SMG7: variants seen among roughly 807,000 people sequenced by gnomAD.
The protein encoded by SMG7 is nonsense-mediated mRNA decay factor SMG7.
A neutral mutation model predicts 148.2 loss-of-function variants in SMG7; 34 were observed. That is an observed-to-expected ratio of 0.23 (90% CI 0.17 to 0.31). The LOEUF (loss-of-function observed/expected upper bound fraction) is 0.31, where lower values mean the gene tolerates loss of function less well. Among genes scored for constraint, SMG7 ranks in the 10% least tolerant of loss-of-function variants. The pLI is 1.00. For synonymous variants in SMG7, 492 were observed against 515.1 expected (o/e 0.96, Z 0.61); for missense variants, 1,114 against 1,408.4 (o/e 0.79, Z 3.35).
At chr1:183,541,691 A>C (rs789174) in intron 13 of SMG7, among the ~76,000 whole-genome samples, 2,139 of 152,334 alleles carry the variant, frequency 0.014, 52 homozygotes, top group African/African-American at 0.048. Context: ...TACAGTAGGT[A>C]GTTAAATGCT....
At chr1:183,511,824 A>G (rs772175696) in intron 1 of SMG7, among the ~76,000 whole-genome samples, 50 of 152,220 alleles carry the variant, frequency 3.3e-4, no homozygotes, top group Non-Finnish European at 6.8e-4. Context: ...AGAGAAATCA[A>G]CAGATTCAAG....
chr1:183,552,661 G>T lies in SMG7; in HGVS notation c.*730G>T. On this transcript the variant is annotated 3_prime_UTR_variant, in exon 23 of 23. Coordinates refer to ENST00000688051, the MANE Select transcript of SMG7 (RefSeq NM_001375584.1). Reference sequence around the variant, plus strand: ...CTCTGTAGGTGCTCGAGCCCCAATCGAGGATACAGTGTGGGTGGTGGTGCT... The same window carrying T: ...CTCTGTAGGTGCTCGAGCCCCAATCTAGGATACAGTGTGGGTGGTGGTGCT... The T allele has an allele frequency of 8.9e-7, 1 of 1,123,458 alleles. No individual in the cohort carries two copies. The highest frequency in any genetic ancestry group is 1.1e-6 in the Non-Finnish European group (1 of 913,618). 69.6% of individuals were successfully genotyped at this position (1,123,458 alleles called of 1,614,324 possible). A position where few individuals can be genotyped will look rare whatever the true frequency, so the allele number is the denominator to read the frequency against.
chr1:183,526,152 A>ATT (rs1430095745), intron 4 of SMG7, among the ~76,000 whole-genome samples: 5 of 18,380 alleles, frequency 2.7e-4, no homozygotes, highest in African/African-American at 1.8e-3. Context: ...ATATATATAT[A>ATT]TATATTTTTT....
chr1:183,544,611 T>C, intron 15 of SMG7, 114 bp downstream of exon 15: 1 of 1,107,380 alleles, frequency 9.0e-7, no homozygotes, highest in Non-Finnish European at 1.3e-6. Context: ...TAAAAAGTTC[T>C]ATTTTCCCTA....
chr1:183,496,177 T>A (rs1658440148), intron 1 of SMG7, among the ~76,000 whole-genome samples: 1 of 152,188 alleles, frequency 6.6e-6, no homozygotes, highest in Admixed American at 6.5e-5. Flanking sequence ...TGTTCTTCAC[T>A]TGTCATTTAG....
In SMG7 at chr1:183,552,369, G is replaced by A. The variant is rs1671207923; in HGVS notation, c.*438G>A. The stretch of plus-strand genomic sequence containing the variant: ...GATTGCTTTGCTGACTGAGAATGTA[G>A]TTGAAATTATTCTTAAACATCTTTT... On this transcript the variant is annotated 3_prime_UTR_variant, in exon 23 of 23. Coordinates refer to ENST00000688051, the MANE Select transcript of SMG7 (RefSeq NM_001375584.1). 1 of 985,998 alleles carries A rather than the reference G, an allele frequency of 1.0e-6. No homozygotes were observed. Among genetic ancestry groups the A allele is most frequent in the Admixed American group, 6.2e-5 (1 of 16,102 alleles). The allele number at this position is 985,998 out of a possible 1,614,324, so 61.1% of individuals were successfully genotyped here.
rs1669524484 is a variant in SMG7 at position 183,544,472 on chromosome 1, C to T, written c.1962C>T (p.Ala654=). The T allele has an allele frequency of 1.2e-6, 2 of 1,613,778 alleles. No homozygotes were observed. Among genetic ancestry groups the T allele is most frequent in the Admixed American group, 1.7e-5 (1 of 60,006 alleles). Residue 654 remains alanine (A), a synonymous_variant, in exon 15 of 23, where the codon GCC becomes GCT. Coordinates refer to ENST00000688051, the MANE Select transcript of SMG7 (RefSeq NM_001375584.1). ...TCATCCCCATTCATCACCCTGGAGC[C>T]TTCCCTCCTCTTCCCAGCAGGCCAG... ...SQFIPIHHPG[A]FPPLPSRPGF... is the part of the protein sequence containing the mutation.
chr1:183,533,949 G>A, intron 10 of SMG7, 117 bp downstream of exon 10: 1 of 811,584 alleles, frequency 1.2e-6, no homozygotes, highest in Non-Finnish European at 1.9e-6. Context: ...TGTATTTTCT[G>A]CCGACTCTCG....
chr1:183,548,957 G>T (rs1043035059), intron 18 of SMG7: 1 of 508,614 alleles, frequency 2.0e-6, no homozygotes, highest in Non-Finnish European at 3.5e-6. Context: ...GTTTACCAGG[G>T]TCTCTGGTCC....
chr1:183,486,357 A>C (rs1384596475), intron 1 of SMG7, among the ~76,000 whole-genome samples: 1 of 152,224 alleles, frequency 6.6e-6, no homozygotes, highest in Non-Finnish European at 1.5e-5. Flanking sequence ...ACATAAAACC[A>C]AGCACACTTG....
chr1:183,535,246 G>T (rs935852601), intron 10 of SMG7, among the ~76,000 whole-genome samples: 4 of 152,098 alleles, frequency 2.6e-5, no homozygotes, highest in African/African-American at 9.7e-5. Context: ...TCTTATTGTT[G>T]TTCTTGTACA....
chr1:183,495,261 A>ATT (rs769685151), intron 1 of SMG7, among the ~76,000 whole-genome samples: 1 of 151,988 alleles, frequency 6.6e-6, no homozygotes, highest in Non-Finnish European at 1.5e-5. Context: ...AGCTTCTTAG[A>ATT]TTTATAGGCT....
intron 1 of SMG7, among the ~76,000 whole-genome samples, chr1:183,507,871 A>G (rs1358664594): frequency 6.6e-6 from 1 of 152,100 alleles, no homozygotes; most frequent in Non-Finnish European, 1.5e-5. Context: ...CAGCCTTTTA[A>G]TGACTTTTTC....
chr1:183,498,233 T>C (rs1343903941), intron 1 of SMG7, among the ~76,000 whole-genome samples: 1 of 152,218 alleles, frequency 6.6e-6, no homozygotes, highest in Non-Finnish European at 1.5e-5. Context: ...CTTTGCATTT[T>C]ATAAAGCACT....
At chr1:183,501,013 C>A (rs2102311830) in intron 1 of SMG7, 1 of 152,204 alleles carries the variant, frequency 6.6e-6, no homozygotes, top group South Asian at 2.1e-4. Context: ...TGAAATTTCT[C>A]CTAAGACGTA....
chr1:183,515,941 G>C lies in SMG7; in HGVS notation c.129G>C (p.Met43Ile). The change falls in exon 3 of 23, where the codon ATG becomes ATC. Residue 43 changes from methionine (M) to isoleucine (I), a missense_variant. This residue lies in a region of SMG7 where 216 missense variants were observed against 329.1 expected (regional missense o/e 0.66). Transcript: ENST00000688051. Reference protein sequence around the residue: ...RQALQDLYQKMLVTDLEYALD... With the variant: ...RQALQDLYQKILVTDLEYALD... ...CTCTGCAGGACCTGTACCAGAAAATGCTAGTTACCGATTTGGAATACGCTT... is the reference window on the plus strand; with the variant it reads ...CTCTGCAGGACCTGTACCAGAAAATCCTAGTTACCGATTTGGAATACGCTT... 1 of 1,613,482 alleles carries C rather than the reference G, an allele frequency of 6.2e-7. No homozygotes were observed.
rs1650890892 is a variant in SMG7, at chr1:183,472,516, G to A, written c.-105G>A. 1 of 1,110,626 alleles carries A rather than the reference G, an allele frequency of 9.0e-7. No individual in the cohort carries two copies. The allele number at this position is 1,110,626 out of a possible 1,614,324, so 68.8% of individuals were successfully genotyped here. ...CGAGCGAGGAGGAGCCGGAGGAGAG[G>A]AAGATGGCGGCGGCCGCCAGCACCC... On this transcript the variant is annotated 5_prime_UTR_variant, in exon 1 of 23. Coordinates refer to ENST00000688051, the MANE Select transcript of SMG7 (RefSeq NM_001375584.1).
At chr1:183,499,179 A>G (rs888209157) in intron 1 of SMG7, among the ~76,000 whole-genome samples, 8 of 152,180 alleles carry the variant, frequency 5.3e-5, no homozygotes, top group Non-Finnish European at 1.2e-4. Flanking sequence ...CAGTAGGTGA[A>G]TGGATAAATT....
At chr1:183,513,079 G>T in intron 2 of SMG7, 2 of 473,360 alleles carry the variant, frequency 4.2e-6, no homozygotes, top group East Asian at 3.4e-5. Context: ...ACTAATATAT[G>T]GTATACTGAA....
Sources: gnomAD v4.1 joint callset for allele counts (sites outside exome capture counted in the v4.1 genomes callset) on GRCh38, gnomAD v4.1.1 for gene constraint, gnomAD v4.1.1 regional missense constraint, MANE v1.5 for transcripts, NCBI Gene and HGNC (gene_info 2026-07-23, HGNC 2026-07-21) for gene names.